MTMR3: variants seen among roughly 807,000 people sequenced by gnomAD.
MTMR3 encodes the protein myotubularin related protein 3.
MTMR3 carries 32 observed loss-of-function variants against 132.4 expected under a neutral mutation model. The observed-to-expected ratio is 0.24, with a 90% CI of 0.18 to 0.32. The LOEUF (loss-of-function observed/expected upper bound fraction) is 0.32. MTMR3 is among the 10% of genes least tolerant of loss of function. The probability of loss-of-function intolerance (pLI) is 1.00; values close to 1 mark genes in which losing one functional copy is unlikely to be tolerated. For missense variants in MTMR3, 1,216 were observed against 1,489.6 expected (o/e 0.82, Z 3.02); for synonymous variants, 556 against 550.3 (o/e 1.01, Z -0.14).
At chr22:29,949,216 G>A (rs1035015568) in intron 1 of MTMR3, among the ~76,000 whole-genome samples, 1 of 143,736 alleles carries the variant, frequency 7.0e-6, no homozygotes, top group Non-Finnish European at 1.5e-5. Flanking sequence ...CGCCAGGCGT[G>A]GTGGCTCATG....
intron 3 of MTMR3, among the ~76,000 whole-genome samples, chr22:29,974,863 A>G (rs1365073568): frequency 1.3e-5 from 2 of 152,360 alleles, no homozygotes; most frequent in East Asian, 1.9e-4. Flanking sequence ...GTATACTTTT[A>G]TGTAAGATTT....
chr22:29,948,725 A>G lies in MTMR3; in HGVS notation c.-137-8311A>G, dbSNP rs560730579. Among the ~76,000 whole-genome samples the G allele has an allele frequency of 1.3e-3, 202 of 152,192 alleles. 2 individuals are homozygous for G. Among genetic ancestry groups the G allele is most frequent in the South Asian group, 0.011 (54 of 4,828 alleles). On this transcript the variant is annotated intron_variant, in intron 1 of 19. Transcript: ENST00000401950. ...TCTAGAAACAAAGCATATTAGAATA[A>G]GCAGTGTAAATTTTGCACCTTTCAA...
At position 30,007,748 on chromosome 22, in the gene MTMR3, AAAG is replaced by A. The variant is rs2067304804; in HGVS notation, c.878-151_878-149del. 4.4e-6 allele frequency: 4 copies of A among 907,910 alleles called. No homozygotes were observed. The East Asian group carries it at 8.1e-5, about 18-fold the overall frequency. 56.2% of individuals were successfully genotyped at this position (907,910 alleles called of 1,614,324 possible). On this transcript the variant is annotated intron_variant, in intron 10 of 19. Coordinates refer to ENST00000401950, the MANE Select transcript of MTMR3 (RefSeq NM_021090.4). The stretch of plus-strand genomic sequence containing the variant: ...TTTCATAAGAAGGCCACATAGAAAA[AAAG>A]AGAAAAATCCTATGTATCAAGGGTT...
chr22:30,014,502 C>CTTTT (rs56934428), intron 14 of MTMR3: 25 of 78,780 alleles, frequency 3.2e-4, no homozygotes, highest in East Asian at 2.3e-3. Context: ...CCCTCCAGTT[C>CTTTT]TTTTTTTTTT....
chr22:29,996,685 A>G (rs956626422), intron 7 of MTMR3: 3 of 152,092 alleles, frequency 2.0e-5, no homozygotes, highest in African/African-American at 7.2e-5. Context: ...GGGATTATGA[A>G]TTAAAGACTC....
rs2067641299 is a variant in MTMR3 at position 30,017,940 on chromosome 22, T to G, written c.1688T>G (p.Val563Gly). The stretch of plus-strand genomic sequence containing the variant: ...CCCCCTCCTCAGGTGCTGTACCCTG[T>G]GTGCCATGTGCGTAACCTGATGCTG... The part of the protein sequence containing the change: ...SSQSEAVLYP[V>G]CHVRNLMLWS... Residue 563 changes from valine to glycine, a missense_variant, in exon 16 of 20, where the codon GTG (valine) becomes GGG (glycine). Physicochemically the swap from Val to Gly is moderately radical, Grantham distance 109. Transcript: ENST00000401950. 1 of 1,613,546 alleles carries G rather than the reference T, an allele frequency of 6.2e-7. No individual in the cohort carries two copies. The highest frequency in any genetic ancestry group is 1.7e-5 in the Admixed American group (1 of 59,896).
At chr22:29,897,704 C>T (rs563502679) in intron 1 of MTMR3, among the ~76,000 whole-genome samples, 1 of 152,230 alleles carries the variant, frequency 6.6e-6, no homozygotes, top group East Asian at 1.9e-4. Context: ...CCCATCTTGG[C>T]CCCCCAAAGG....
chr22:29,962,897 T>TTCTC (rs1229582957), intron 2 of MTMR3, among the ~76,000 whole-genome samples: 1 of 150,438 alleles, frequency 6.6e-6, no homozygotes, highest in Admixed American at 6.6e-5. Flanking sequence ...CTTCATTCCT[T>TTCTC]TCTCTCTTTT....
Position 30,012,539 on chromosome 22 carries a change from G to T in MTMR3, c.1293G>T (p.Leu431=). The T allele has an allele frequency of 6.2e-7, 1 of 1,612,900 alleles. No homozygotes were observed. The highest frequency in any genetic ancestry group is 8.5e-7 in the Non-Finnish European group (1 of 1,179,742). Residue 431 remains leucine (L), a synonymous_variant, in exon 13 of 20, where the codon CTG becomes CTT. Transcript: ENST00000401950. ...PQIVALAKLL[L]DPYYRTIEGF... is the part of the protein sequence containing the mutation. ...TTGTGGCATTGGCTAAGCTCTTGCT[G>T]GACCCTTATTACCGAACCATAGAGG...
At chr22:29,955,369 ATT>A (rs1402821229) in intron 1 of MTMR3, among the ~76,000 whole-genome samples, 2 of 152,224 alleles carry the variant, frequency 1.3e-5, no homozygotes, top group Non-Finnish European at 2.9e-5. Flanking sequence ...AATAGTATAT[ATT>A]TCATGCAAAT....
At chr22:30,012,327 TA>T (rs373447767) in intron 12 of MTMR3, 40 bp from the exon 13 acceptor site, 6 of 1,586,396 alleles carry the variant, frequency 3.8e-6, no homozygotes, top group South Asian at 1.1e-5. Context: ...CAGTAAATCA[TA>T]AAAAAATCAG....
At chr22:29,959,985 T>C (rs2066278687) in intron 2 of MTMR3, among the ~76,000 whole-genome samples, 1 of 152,084 alleles carries the variant, frequency 6.6e-6, no homozygotes, top group African/African-American at 2.4e-5. Flanking sequence ...CAGGGTGGTC[T>C]TGAACTCCTG....
intron 1 of MTMR3, among the ~76,000 whole-genome samples, chr22:29,932,058 A>G (rs1216835343): frequency 2.6e-5 from 4 of 152,248 alleles, no homozygotes; most frequent in Non-Finnish European, 4.4e-5. Flanking sequence ...AGGACAGGTT[A>G]TAAATCTGAA....
intron 1 of MTMR3, among the ~76,000 whole-genome samples, chr22:29,906,287 T>C (rs1347945900): frequency 1.7e-5 from 1 of 58,282 alleles, no homozygotes; most frequent in Non-Finnish European, 4.0e-5. Context: ...TGTCTGTCTG[T>C]CTATCTATCT....
At chr22:29,991,465 T>C (rs767745253) in intron 6 of MTMR3, 39 bp from the exon 7 acceptor site, 7 of 1,544,536 alleles carry the variant, frequency 4.5e-6, no homozygotes, top group Non-Finnish European at 6.1e-6. Context: ...ATTTCAACTG[T>C]CTTCTGATTA....
intron 1 of MTMR3, among the ~76,000 whole-genome samples, chr22:29,943,480 G>A (rs975920553): frequency 6.6e-6 from 1 of 152,028 alleles, no homozygotes; most frequent in African/African-American, 2.4e-5. Context: ...GTGAGCCACC[G>A]CGCCTGGCCT....
chr22:29,903,151 G>C (rs2065032160), intron 1 of MTMR3, among the ~76,000 whole-genome samples: 1 of 152,198 alleles, frequency 6.6e-6, no homozygotes, highest in African/African-American at 2.4e-5. Context: ...CTTGAACCCA[G>C]GAGGCGGAGG....
At chr22:30,023,615 G>A (rs1980790663) in intron 19 of MTMR3, 7 of 1,133,008 alleles carry the variant, frequency 6.2e-6, no homozygotes, top group Non-Finnish European at 9.2e-6. Context: ...AGGCAGATAG[G>A]TGGGCTTGAG....
chr22:29,893,136 T>C (rs1387196018), intron 1 of MTMR3, among the ~76,000 whole-genome samples: 1 of 152,240 alleles, frequency 6.6e-6, no homozygotes, highest in Non-Finnish European at 1.5e-5. Flanking sequence ...CATATTTATT[T>C]ACACATGTAA....
Sources: gnomAD v4.1 joint callset for allele counts (sites outside exome capture counted in the v4.1 genomes callset) on GRCh38, gnomAD v4.1.1 for gene constraint, MANE v1.5 for transcripts, NCBI Gene and HGNC (gene_info 2026-07-23, HGNC 2026-07-21) for gene names.